FAT1: variants seen among roughly 807,000 people sequenced by gnomAD.
FAT1 encodes the protein protocadherin Fat 1.
A neutral mutation model predicts 329.8 loss-of-function variants in FAT1; 171 were observed. The ratio of observed to expected loss-of-function variants is 0.52; its 90% CI spans 0.46 to 0.59. The LOEUF (loss-of-function observed/expected upper bound fraction) is 0.59. Ranked by LOEUF, FAT1 falls within the 20% of genes least tolerant of loss-of-function variation. The probability of loss-of-function intolerance (pLI) is 0.00; values close to 1 mark genes in which losing one functional copy is unlikely to be tolerated. For missense variants in FAT1, 5,672 were observed against 5,774.4 expected, an observed-to-expected ratio of 0.98 and a Z score of 0.57; for synonymous variants, 2,233 against 2,228.6, an observed-to-expected ratio of 1.00 and a Z score of -0.06.
In FAT1 at chr4:186,619,810, G is replaced by T. The variant is rs1189536048; in HGVS notation, c.6776C>A (p.Ser2259Tyr). 1 of 1,614,022 alleles carries T rather than the reference G, an allele frequency of 6.2e-7. No individual in the cohort carries two copies. The highest frequency in any genetic ancestry group is 1.1e-5 in the South Asian group (1 of 91,080). The change falls in exon 10 of 27, where the codon TCC becomes TAC. Residue 2259 changes from serine (S) to tyrosine (Y), a missense_variant. By Grantham distance (144) the Ser-to-Tyr change is moderately radical. Coordinates refer to ENST00000441802, the MANE Select transcript of FAT1 (RefSeq NM_005245.4). ...AYKLSIRATD[S>Y]LTGAHAEVFV... ...TACTTCAGCATGAGCGCCCGTCAAG[G>T]AGTCAGTTGCGCGTATGCTCAGCTT...
At chr4:186,658,347 T>C (rs1742013273) in intron 3 of FAT1, among the ~76,000 whole-genome samples, 1 of 152,136 alleles carries the variant, frequency 6.6e-6, no homozygotes, top group Admixed American at 6.5e-5. Flanking sequence ...AAAAGTTCAC[T>C]CAAACTTGTG....
At chr4:186,640,992 A>G (rs568531427) in intron 3 of FAT1, among the ~76,000 whole-genome samples, 15 of 152,338 alleles carry the variant, frequency 9.8e-5, no homozygotes, top group Admixed American at 8.5e-4. Flanking sequence ...AATACCTTAA[A>G]TAATTCACAT....
chr4:186,640,955 A>C (rs1413226502), intron 3 of FAT1, among the ~76,000 whole-genome samples: 4 of 152,178 alleles, frequency 2.6e-5, no homozygotes, highest in Non-Finnish European at 5.9e-5. Context: ...TTCTCCTCCC[A>C]GTGCTGCGGC....
rs369327899 is a variant in FAT1 at position 186,620,913 on chromosome 4, T to C, written c.5673A>G (p.Pro1891=). The stretch of plus-strand genomic sequence containing the variant: ...TGATGACTTTTACTCCTTTGTATGT[T>C]GGTAACAAAAGAGATGCTTCATATA... ...KPLYEASLLL[P]TYKGVKVITV... is the part of the protein sequence containing the mutation. Residue 1891 remains proline, a synonymous_variant, in exon 10 of 27, where the codon CCA becomes CCG. Transcript: ENST00000441802. 1.2e-6 allele frequency: 2 copies of C among 1,614,032 alleles called. No individual in the cohort carries two copies. The highest frequency in any genetic ancestry group is 8.5e-7 in the Non-Finnish European group (1 of 1,179,898).
At chr4:186,656,356 C>T (rs1391612202) in intron 3 of FAT1, among the ~76,000 whole-genome samples, 2 of 152,148 alleles carry the variant, frequency 1.3e-5, no homozygotes, top group Non-Finnish European at 2.9e-5. Context: ...GGCCCAGATG[C>T]CACAGCATTC....
At chr4:186,710,072 C>CA (rs1210247017) in intron 1 of FAT1, among the ~76,000 whole-genome samples, 2 of 152,140 alleles carry the variant, frequency 1.3e-5, no homozygotes, top group Non-Finnish European at 2.9e-5. Context: ...TTTTGAACGA[C>CA]AAGGTCCTCT....
intron 9 of FAT1, among the ~76,000 whole-genome samples, chr4:186,622,104 T>A (rs1740076189): frequency 6.6e-6 from 1 of 152,120 alleles, no homozygotes; most frequent in Admixed American, 6.5e-5. Flanking sequence ...ACAAAGCAGT[T>A]GAGTGAGTCA....
At chr4:186,681,487 TG>T (rs768367496) in intron 2 of FAT1, among the ~76,000 whole-genome samples, 1 of 152,186 alleles carries the variant, frequency 6.6e-6, no homozygotes, top group Non-Finnish European at 1.5e-5. Context: ...CACACGATGA[TG>T]GAAGCGGTGT....
chr4:186,712,201 A>T (rs1744993420), intron 1 of FAT1, among the ~76,000 whole-genome samples: 1 of 152,212 alleles, frequency 6.6e-6, no homozygotes, highest in African/African-American at 2.4e-5. Flanking sequence ...TATTTAAAAG[A>T]GAGGAGAAGG....
chr4:186,606,031 T>G, intron 17 of FAT1, 39 bp downstream of exon 17: 2 of 1,587,034 alleles, frequency 1.3e-6, no homozygotes, highest in Non-Finnish European at 1.7e-6. Flanking sequence ...AAAGCTCATT[T>G]CAAAGAACCC....
intron 2 of FAT1, among the ~76,000 whole-genome samples, chr4:186,671,009 C>T (rs898056874): frequency 6.6e-6 from 1 of 152,016 alleles, no homozygotes; most frequent in Admixed American, 6.6e-5. Flanking sequence ...GGGCAGGGAG[C>T]AGGGAGTTAT....
intron 2 of FAT1, among the ~76,000 whole-genome samples, chr4:186,697,218 AAAC>A (rs1490626259): frequency 6.6e-6 from 1 of 152,216 alleles, no homozygotes; most frequent in Non-Finnish European, 1.5e-5. Context: ...TGCTTAACTT[AAAC>A]GAGGTATCAA....
At chr4:186,658,975 C>T (rs905042276) in intron 3 of FAT1, among the ~76,000 whole-genome samples, 9 of 152,234 alleles carry the variant, frequency 5.9e-5, no homozygotes, top group African/African-American at 1.7e-4. Context: ...TAAATAAACA[C>T]GGCCACGCAC....
At chr4:186,633,506 T>C (rs919968272) in intron 7 of FAT1, among the ~76,000 whole-genome samples, 178 bp downstream of exon 7, 8 of 152,180 alleles carry the variant, frequency 5.3e-5, no homozygotes, top group African/African-American at 2.4e-5. Context: ...AAAACCCAAA[T>C]TGGGATATGG....
intron 10 of FAT1, 138 bp downstream of exon 10, chr4:186,617,570 T>C: frequency 1.4e-6 from 1 of 725,594 alleles, no homozygotes; most frequent in East Asian, 2.8e-5. Context: ...ACAGATGTTA[T>C]TTCTACGTAT....
At chr4:186,691,695 C>A (rs920672656) in intron 2 of FAT1, among the ~76,000 whole-genome samples, 3 of 152,124 alleles carry the variant, frequency 2.0e-5, no homozygotes, top group Non-Finnish European at 4.4e-5. Context: ...GTAGTCCCAG[C>A]TACTCAGGAG....
intron 4 of FAT1, among the ~76,000 whole-genome samples, chr4:186,637,766 A>G (rs1050206490): frequency 3.3e-5 from 5 of 152,140 alleles, no homozygotes; most frequent in Admixed American, 2.6e-4. Context: ...CTTCTTCCCA[A>G]CTGAATTACC....
rs745595921 is a variant in FAT1 at position 186,588,652 on chromosome 4, G to A, written c.13707C>T (p.Asp4569=). Residue 4569 remains aspartate (D), a synonymous_variant, in exon 27 of 27, where the codon GAC becomes GAT. Coordinates refer to ENST00000441802, the MANE Select transcript of FAT1 (RefSeq NM_005245.4). ...GGATCGTCACCTCTTCGAAGTGGCC[G>A]TCGTCCCCGCTCTCATAGTCACTCA... ...VMMSDYESGD[D]GHFEEVTIPP... is the part of the protein sequence containing the mutation. 2.1e-5 allele frequency: 34 copies of A among 1,613,874 alleles called. No individual in the cohort carries two copies. Among genetic ancestry groups the A allele is most frequent in the Middle Eastern group, 1.7e-4 (1 of 6,054 alleles).
At chr4:186,642,014 A>AC (rs1741121146) in intron 3 of FAT1, among the ~76,000 whole-genome samples, 1 of 151,928 alleles carries the variant, frequency 6.6e-6, no homozygotes, top group African/African-American at 2.4e-5. Context: ...CAAAAAAAAA[A>AC]AAACAAAATC....
Sources: allele counts gnomAD v4.1 joint callset (sites outside exome capture counted in the v4.1 genomes callset), GRCh38; gene constraint gnomAD v4.1.1; transcripts MANE v1.5; gene names NCBI Gene and HGNC (gene_info 2026-07-23, HGNC 2026-07-21).